Variants in RPA1 observed in about 807,000 individuals in gnomAD.
RPA1 encodes the protein replication protein A1.
In RPA1, 49 loss-of-function variants were observed where a neutral mutation model predicts 83.0. The ratio of observed to expected loss-of-function variants is 0.59; its 90% CI spans 0.47 to 0.75. The LOEUF is 0.75. RPA1 is among the 30% of genes least tolerant of loss of function. RPA1 has a pLI of 0.00. For missense variants in RPA1, 693 were observed against 776.1 expected (o/e 0.89, Z 1.27); for synonymous variants, 279 against 281.8 (o/e 0.99, Z 0.10).
chr17:1,883,393 C>T (rs1452744127), intron 12 of RPA1, among the ~76,000 whole-genome samples: 6 of 152,034 alleles, frequency 3.9e-5, no homozygotes, highest in Non-Finnish European at 7.4e-5. Flanking sequence ...GATCTCTTGA[C>T]CTCGTGATCC....
chr17:1,881,621 G>A (rs1377518596), intron 12 of RPA1, among the ~76,000 whole-genome samples: 1 of 152,096 alleles, frequency 6.6e-6, no homozygotes, highest in Non-Finnish European at 1.5e-5. Flanking sequence ...TTTCTTTTAG[G>A]CTCTGGAGTT....
chr17:1,836,940 C>T lies in RPA1; in HGVS notation c.34-5863C>T, dbSNP rs542048936. Among the ~76,000 whole-genome samples, 371 of 151,264 alleles carry T rather than the reference C, an allele frequency of 2.5e-3. 2 individuals carry two copies. Among genetic ancestry groups the T allele is most frequent in the Non-Finnish European group, 3.5e-3 (237 of 67,866 alleles). On this transcript the variant is annotated intron_variant, in intron 1 of 16. Coordinates refer to ENST00000254719, the MANE Select transcript of RPA1 (RefSeq NM_002945.5). ...GCAACCTCTGCCTCCTGGGTTGAAG[C>T]GATTCTCTTCCCTCAGCCTCCCGAG...
intron 12 of RPA1, among the ~76,000 whole-genome samples, chr17:1,881,048 T>G (rs1913777188): frequency 2.6e-5 from 4 of 152,226 alleles, no homozygotes; most frequent in Admixed American, 1.3e-4. Context: ...GGGGAACACA[T>G]GCTTTCTTTC....
At chr17:1,852,076 T>C (rs939470184) in intron 4 of RPA1, among the ~76,000 whole-genome samples, 1 of 152,198 alleles carries the variant, frequency 6.6e-6, no homozygotes, top group African/African-American at 2.4e-5. Flanking sequence ...TTGTCTCTTC[T>C]CTTGGTCTCC....
chr17:1,871,128 C>T (rs77609761), intron 5 of RPA1, among the ~76,000 whole-genome samples: 247 of 152,254 alleles, frequency 1.6e-3, no homozygotes, highest in Middle Eastern at 6.8e-3. Flanking sequence ...TTTTGTGTGA[C>T]GCTTTGTAAA....
Position 1,862,528 on chromosome 17 carries a change from C to T in RPA1, c.361+9339C>T, listed in dbSNP as rs915749812. On this transcript the variant is annotated intron_variant, in intron 5 of 16. Coordinates refer to ENST00000254719, the MANE Select transcript of RPA1 (RefSeq NM_002945.5). ...TCCACCTCCCAGTTCAAGCTATCCT[C>T]ATGCCTCAGCCTCACCAGTAGCTGG... is the stretch of plus-strand genomic sequence containing the variant. 2.0e-5 allele frequency among the ~76,000 whole-genome samples: 3 copies of T among 149,806 alleles called. No homozygotes were observed. The South Asian group carries it at 6.3e-4, about 32-fold the overall frequency.
At chr17:1,892,837 G>A (rs531623004) in intron 15 of RPA1, among the ~76,000 whole-genome samples, 95 of 152,298 alleles carry the variant, frequency 6.2e-4, no homozygotes, top group African/African-American at 2.3e-3. Flanking sequence ...TTTATTTAAT[G>A]TACAGAATAG....
intron 8 of RPA1, among the ~76,000 whole-genome samples, chr17:1,877,747 G>C (rs1016152330): frequency 2.6e-5 from 4 of 152,156 alleles, no homozygotes; most frequent in Non-Finnish European, 5.9e-5. Flanking sequence ...TGGAGCTTTG[G>C]GACACAGCAG....
intron 13 of RPA1, 151 bp from the exon 14 acceptor site, chr17:1,888,524 A>G: frequency 1.4e-6 from 1 of 718,502 alleles, no homozygotes. Context: ...TTCTAAAACT[A>G]CAGAATGAAT....
intron 12 of RPA1, 21 bp from the exon 13 acceptor site, chr17:1,883,791 G>A (rs772875265): frequency 8.1e-6 from 13 of 1,613,782 alleles, no homozygotes; most frequent in Non-Finnish European, 1.1e-5. Flanking sequence ...GCTCGTCATC[G>A]TTATTCGTTC....
chr17:1,836,310 A>G (rs542461922), intron 1 of RPA1, among the ~76,000 whole-genome samples: 7 of 152,044 alleles, frequency 4.6e-5, no homozygotes, highest in African/African-American at 1.2e-4. Context: ...GGGTTTCACT[A>G]TGTTGGCCAG....
Position 1,895,727 on chromosome 17 carries a change from G to C in RPA1, c.1746+632G>C, listed in dbSNP as rs142320127. 3.2e-3 allele frequency among the ~76,000 whole-genome samples: 491 copies of C among 151,268 alleles called. 1 individual carries two copies. The highest frequency in any genetic ancestry group is 0.011 in the African/African-American group (470 of 41,254). On this transcript the variant is annotated intron_variant, in intron 16 of 16. Coordinates refer to ENST00000254719, the MANE Select transcript of RPA1 (RefSeq NM_002945.5). ...TTTGAGACAGAGTCTCTGTCACCCA[G>C]GCTGGAGTGCAGTGGGACGATCTTG...
intron 4 of RPA1, among the ~76,000 whole-genome samples, chr17:1,848,879 C>T (rs1912366646): frequency 6.6e-6 from 1 of 151,884 alleles, no homozygotes; most frequent in African/African-American, 2.4e-5. Context: ...CTTTTTATGG[C>T]AGAATAATAC....
At chr17:1,877,160 G>T in intron 7 of RPA1, 52 bp from the exon 8 acceptor site, 1 of 1,518,420 alleles carries the variant, frequency 6.6e-7, no homozygotes, top group Non-Finnish European at 9.1e-7. Context: ...TTTCTTACTT[G>T]ATCTTTTCCA....
At chr17:1,860,460 C>A (rs1567812136) in intron 5 of RPA1, among the ~76,000 whole-genome samples, 1 of 152,180 alleles carries the variant, frequency 6.6e-6, no homozygotes, top group Admixed American at 6.5e-5. Context: ...TGTATACTTT[C>A]TATTGCTAGC....
At chr17:1,842,651 C>G in intron 1 of RPA1, 152 bp from the exon 2 acceptor site, 1 of 646,620 alleles carries the variant, frequency 1.5e-6, no homozygotes, top group Non-Finnish European at 2.7e-6. Flanking sequence ...ATGATTTGTC[C>G]AGAGTGATAA....
chr17:1,874,028 T>TAA (rs1270241119), intron 6 of RPA1, among the ~76,000 whole-genome samples: 1 of 102,616 alleles, frequency 9.7e-6, no homozygotes, highest in Non-Finnish European at 1.8e-5. Flanking sequence ...TATATATATA[T>TAA]ATATACACAC....
At position 1,844,632 on chromosome 17, in the gene RPA1, G is replaced by A; in HGVS notation, c.218G>A (p.Ser73Asn). ...CTCGTGGAGGAAGAACAATTGTCCA[G>A]CAACTGTGTATGCCAGATTCACAGA... is the stretch of plus-strand genomic sequence containing the variant. Reference protein sequence around the residue: ...NPLVEEEQLSSNCVCQIHRFI... With the variant: ...NPLVEEEQLSNNCVCQIHRFI... Residue 73 changes from serine (S) to asparagine (N), a missense_variant, in exon 4 of 17, where the codon AGC becomes AAC. Coordinates refer to ENST00000254719, the MANE Select transcript of RPA1 (RefSeq NM_002945.5). The A allele has an allele frequency of 6.2e-7, 1 of 1,613,826 alleles. No individual in the cohort carries two copies. The highest frequency in any genetic ancestry group is 1.1e-5 in the South Asian group (1 of 90,962).
chr17:1,863,393 A>G (rs1913059895), intron 5 of RPA1, among the ~76,000 whole-genome samples: 1 of 151,616 alleles, frequency 6.6e-6, no homozygotes, highest in South Asian at 2.1e-4. Context: ...TTTTATTTTT[A>G]GTAGAGACGG....
Sources: gnomAD v4.1 joint callset for allele counts (sites outside exome capture counted in the v4.1 genomes callset) on GRCh38, gnomAD v4.1.1 for gene constraint, MANE v1.5 for transcripts, NCBI Gene and HGNC (gene_info 2026-07-23, HGNC 2026-07-21) for gene names.